The following P2RY14 variants were observed in gnomAD, a reference collection of about 807,000 sequenced individuals.
The protein encoded by P2RY14 is P2Y purinoceptor 14.
P2RY14 carries 2 observed loss-of-function variants against 0.9 expected under a neutral mutation model. The observed-to-expected ratio is 2.16, with a 90% CI of 0.88 to 6.79. The LOEUF (loss-of-function observed/expected upper bound fraction) is 6.79, where lower values mean the gene tolerates loss of function less well. Among genes scored for constraint, P2RY14 ranks in the 30% most tolerant of loss-of-function variants. P2RY14 has a pLI of 0.05. For missense variants in P2RY14, 378 were observed against 400.1 expected (o/e 0.94, Z 0.47); for synonymous variants, 158 against 147.2 (o/e 1.07, Z -0.53).
At chr3:151,272,333 A>T (rs1304055698) in intron 1 of P2RY14, among the ~76,000 whole-genome samples, 1 of 152,222 alleles carries the variant, frequency 6.6e-6, no homozygotes, top group East Asian at 1.9e-4. Flanking sequence ...TTTTGGACAA[A>T]TAAACATAAA....
intron 1 of P2RY14, among the ~76,000 whole-genome samples, chr3:151,259,105 A>T (rs1455107700): frequency 1.3e-5 from 2 of 152,178 alleles, no homozygotes; most frequent in African/African-American, 4.8e-5. Context: ...GAATAAGGAG[A>T]ACCTTTTTTA....
chr3:151,259,178 A>G (rs1738403577), intron 1 of P2RY14, among the ~76,000 whole-genome samples: 1 of 152,190 alleles, frequency 6.6e-6, no homozygotes, highest in Admixed American at 6.5e-5. Flanking sequence ...TTTGTGTTTG[A>G]TTAGTTATCC....
At position 151,222,165 on chromosome 3, in the gene P2RY14, A is replaced by G. The variant is rs190425144; in HGVS notation, c.-132-2523T>C. 1.3e-4 allele frequency among the ~76,000 whole-genome samples: 20 copies of G among 152,296 alleles called. No individual in the cohort carries two copies. The East Asian group carries it at 3.3e-3, about 25-fold the overall frequency. ...CATTTGGAATGACTGCATTTACCCA[A>G]TGCCTGTACTGCATTGTATCTAGGA... On this transcript the variant is annotated intron_variant, in intron 1 of 2. Transcript: ENST00000309170.
In P2RY14 at chr3:151,278,518, C is replaced by G. The variant is rs1166646250; in HGVS notation, c.-364G>C. ...AAGAGGAAGGAAGAGACGTTTTAAT[C>G]TCTGTGGGTGTTAGGCTGACTTCTG... is the stretch of plus-strand genomic sequence containing the variant. On this transcript the variant is annotated 5_prime_UTR_variant, in exon 1 of 3. Transcript: ENST00000309170. The G allele has an allele frequency of 1.3e-5, 2 of 152,180 alleles. No homozygotes were observed. Among genetic ancestry groups the G allele is most frequent in the Non-Finnish European group, 2.9e-5 (2 of 68,046 alleles). The allele number at this position is 152,180 out of a possible 1,614,324, so 9.4% of individuals were successfully genotyped here.
chr3:151,232,416 C>T (rs1731878482), intron 1 of P2RY14, among the ~76,000 whole-genome samples: 1 of 152,156 alleles, frequency 6.6e-6, no homozygotes, highest in Admixed American at 6.5e-5. Flanking sequence ...TACCATTTGA[C>T]CCAGCCATCC....
intron 1 of P2RY14, among the ~76,000 whole-genome samples, chr3:151,275,995 T>G (rs1741789065): frequency 6.6e-6 from 1 of 152,146 alleles, no homozygotes; most frequent in African/African-American, 2.4e-5. Flanking sequence ...ATGAAATGCC[T>G]TCTTAGCATC....
intron 1 of P2RY14, among the ~76,000 whole-genome samples, chr3:151,243,164 A>C (rs957196028): frequency 2.0e-5 from 3 of 152,056 alleles, no homozygotes; most frequent in African/African-American, 4.8e-5. Context: ...AGTGATGGGG[A>C]GAATGGAACC....
rs1047486780 is a variant in P2RY14, at chr3:151,229,334, G to A, written c.-132-9692C>T. Among the ~76,000 whole-genome samples, 27 of 134,866 alleles carry A rather than the reference G, an allele frequency of 2.0e-4. 1 individual carries two copies. The highest frequency in any genetic ancestry group is 3.5e-4 in the Non-Finnish European group (23 of 64,826). The allele number at this position is 134,866 out of a possible 152,430, so 88.5% of individuals were successfully genotyped here. The stretch of plus-strand genomic sequence containing the variant: ...TTTTTTTTTTTTTTTTTGAGATGGA[G>A]TCTTGCTCTGTTGCTCAGGCTGGAG... On this transcript the variant is annotated intron_variant, in intron 1 of 2. Coordinates refer to ENST00000309170, the MANE Select transcript of P2RY14 (RefSeq NM_014879.4).
intron 1 of P2RY14, among the ~76,000 whole-genome samples, chr3:151,238,124 TG>T (rs1733300696): frequency 6.8e-6 from 1 of 147,462 alleles, no homozygotes. Flanking sequence ...TTTAGAACAG[TG>T]CACATTTTTT....
At chr3:151,258,657 C>T (rs1385849104) in intron 1 of P2RY14, among the ~76,000 whole-genome samples, 1 of 151,988 alleles carries the variant, frequency 6.6e-6, no homozygotes, top group Non-Finnish European at 1.5e-5. Flanking sequence ...AGAGTCCAGC[C>T]TGATCAACAT....
chr3:151,246,213 T>G (rs1411200711), intron 1 of P2RY14, among the ~76,000 whole-genome samples: 1 of 152,174 alleles, frequency 6.6e-6, no homozygotes, highest in Admixed American at 6.5e-5. Flanking sequence ...ATTTATAGAT[T>G]CAATGCCATC....
At position 151,237,279 on chromosome 3, in the gene P2RY14, C is replaced by T. The variant is rs548969357; in HGVS notation, c.-132-17637G>A. Among the ~76,000 whole-genome samples, 23 of 149,566 alleles carry T rather than the reference C, an allele frequency of 1.5e-4. 1 individual carries two copies. The East Asian group carries it at 4.5e-3, about 29-fold the overall frequency. ...GGTCTTGAACACCTGACCTTGTGAT[C>T]CACCTGCCTCAGCCTCCCAAAGTGC... On this transcript the variant is annotated intron_variant, in intron 1 of 2. Coordinates refer to ENST00000309170, the MANE Select transcript of P2RY14 (RefSeq NM_014879.4).
chr3:151,269,436 CACACAA>C (rs1450808850), intron 1 of P2RY14: 18 of 211,340 alleles, frequency 8.5e-5, no homozygotes, highest in African/African-American at 4.6e-4. Context: ...CACACACACA[CACACAA>C]AATTCAGAGA....
chr3:151,272,145 A>G (rs923889218), intron 1 of P2RY14, among the ~76,000 whole-genome samples: 1 of 152,206 alleles, frequency 6.6e-6, no homozygotes, highest in Non-Finnish European at 1.5e-5. Context: ...TGTGTACCAC[A>G]TGAGCTTGCA....
At position 151,224,250 on chromosome 3, in the gene P2RY14, TC is replaced by T. The variant is rs201879893; in HGVS notation, c.-132-4609del. On this transcript the variant is annotated intron_variant, in intron 1 of 2. Transcript: ENST00000309170. ...AGGTACAACTTTTATATATTTTTTT[TC>T]CTTCCTTTCAGTCCAGACATCAAAA... Among the ~76,000 whole-genome samples the T allele has an allele frequency of 8.5e-3, 1,290 of 152,292 alleles. 20 individuals are homozygous for T. Among genetic ancestry groups the T allele is most frequent in the African/African-American group, 0.029 (1,211 of 41,556 alleles).
intron 1 of P2RY14, among the ~76,000 whole-genome samples, chr3:151,251,130 C>T (rs1736769773): frequency 6.6e-6 from 1 of 152,154 alleles, no homozygotes; most frequent in South Asian, 2.1e-4. Context: ...TCCTGAGCCC[C>T]ATGCTTTTGC....
At chr3:151,226,644 G>C (rs1373823343) in intron 1 of P2RY14, among the ~76,000 whole-genome samples, 1 of 152,082 alleles carries the variant, frequency 6.6e-6, no homozygotes, top group Non-Finnish European at 1.5e-5. Context: ...GTGCATGTGT[G>C]TATGTTTGAG....
intron 1 of P2RY14, among the ~76,000 whole-genome samples, chr3:151,229,395 C>G (rs1293051396): frequency 6.7e-6 from 1 of 150,370 alleles, no homozygotes; most frequent in Non-Finnish European, 1.5e-5. Context: ...GCAACCTCGC[C>G]TCCCGGGTTC....
intron 1 of P2RY14, among the ~76,000 whole-genome samples, chr3:151,257,358 T>C (rs1211532938): frequency 1.1e-4 from 17 of 152,238 alleles, no homozygotes; most frequent in African/African-American, 4.1e-4. Flanking sequence ...TTTTTTTAAA[T>C]TGTTTATGTG....
Sources: allele counts gnomAD v4.1 joint callset (sites outside exome capture counted in the v4.1 genomes callset), GRCh38; gene constraint gnomAD v4.1.1; transcripts MANE v1.5; gene names NCBI Gene and HGNC (gene_info 2026-07-23, HGNC 2026-07-21).